The following CAMTA1 variants were observed in gnomAD, a reference collection of about 807,000 sequenced individuals.
CAMTA1 encodes the protein calmodulin binding transcription activator 1, also known as calmodulin-binding transcription activator 1.
In CAMTA1, 27 loss-of-function variants were observed where a neutral mutation model predicts 170.9. The observed-to-expected ratio is 0.16, with a 90% CI of 0.12 to 0.22. The LOEUF (loss-of-function observed/expected upper bound fraction) is 0.22. CAMTA1 is among the 10% of genes least tolerant of loss of function. The pLI, the probability that CAMTA1 is intolerant of heterozygous loss-of-function variation, is 1.00. For synonymous variants in CAMTA1, 833 were observed against 891.5 expected, an observed-to-expected ratio of 0.93 and a Z score of 1.17; for missense variants, 1,619 against 2,217.2, an observed-to-expected ratio of 0.73 and a Z score of 5.42.
intron 5 of CAMTA1, among the ~76,000 whole-genome samples, chr1:7,302,631 A>G (rs1574534868): frequency 1.3e-5 from 2 of 152,338 alleles, no homozygotes; most frequent in South Asian, 4.1e-4. Context: ...TGTGCCATAA[A>G]CTGGGAGGAG....
intron 3 of CAMTA1, among the ~76,000 whole-genome samples, chr1:6,917,828 G>A (rs1384914811): frequency 8.1e-6 from 1 of 123,284 alleles, no homozygotes; most frequent in East Asian, 2.8e-4. Flanking sequence ...GAGGGGAAGG[G>A]CAGAAGCAAA....
chr1:7,627,596 G>A (rs556334727), intron 6 of CAMTA1, among the ~76,000 whole-genome samples: 48 of 152,304 alleles, frequency 3.2e-4, no homozygotes, highest in African/African-American at 1.1e-3. Context: ...AGATGTGATT[G>A]CCCAAAGCTC....
chr1:7,200,787 G>C (rs1368588843), intron 4 of CAMTA1, among the ~76,000 whole-genome samples: 1 of 152,184 alleles, frequency 6.6e-6, no homozygotes, highest in East Asian at 1.9e-4. Context: ...CTACTGGAAA[G>C]TACTGTTTAT....
chr1:6,860,780 T>C (rs1664367714), intron 3 of CAMTA1, among the ~76,000 whole-genome samples: 1 of 151,594 alleles, frequency 6.6e-6, no homozygotes, highest in African/African-American at 2.4e-5. Context: ...GGCGTGGTGG[T>C]GCATGCCTGT....
At chr1:7,539,438 G>A (rs2094583762) in intron 6 of CAMTA1, among the ~76,000 whole-genome samples, 1 of 152,226 alleles carries the variant, frequency 6.6e-6, no homozygotes, top group African/African-American at 2.4e-5. Flanking sequence ...GATAGTACAA[G>A]TGGGCCATGT....
chr1:6,879,809 T>C (rs1670989427), intron 3 of CAMTA1, among the ~76,000 whole-genome samples: 1 of 149,744 alleles, frequency 6.7e-6, no homozygotes, highest in Non-Finnish European at 1.5e-5. Context: ...TTTTTTTGGC[T>C]TTGTAGAGAC....
intron 5 of CAMTA1, among the ~76,000 whole-genome samples, chr1:7,304,938 A>G (rs1484337763): frequency 6.6e-6 from 1 of 151,708 alleles, no homozygotes; most frequent in Non-Finnish European, 1.5e-5. Flanking sequence ...TTGTTCCAAA[A>G]TTACAAAAAA....
intron 6 of CAMTA1, among the ~76,000 whole-genome samples, chr1:7,471,453 C>A (rs932320592): frequency 6.6e-6 from 1 of 152,242 alleles, no homozygotes; most frequent in African/African-American, 2.4e-5. Flanking sequence ...AGAGCCATGA[C>A]CTGGAAGAGG....
chr1:7,209,448 GGAGTCTCA>G (rs1370774969), intron 4 of CAMTA1, among the ~76,000 whole-genome samples: 2 of 152,202 alleles, frequency 1.3e-5, no homozygotes, highest in African/African-American at 2.4e-5. Flanking sequence ...GTGAGTAAAA[GGAGTCTCA>G]CCCTTGGATT....
chr1:7,752,290 G>A (rs2096902796), intron 20 of CAMTA1, among the ~76,000 whole-genome samples, 169 bp from the exon 21 acceptor site: 1 of 152,088 alleles, frequency 6.6e-6, no homozygotes, highest in Non-Finnish European at 1.5e-5. Context: ...CGATACTATG[G>A]GAACAGCATA....
Position 6,860,203 on chromosome 1 carries a change from C to T in CAMTA1, c.234+34993C>T, listed in dbSNP as rs1200845579. Among the ~76,000 whole-genome samples the T allele has an allele frequency of 3.9e-5, 6 of 152,302 alleles. No homozygotes were observed. The South Asian group carries it at 1.2e-3, about 32-fold the overall frequency. On this transcript the variant is annotated intron_variant, in intron 3 of 22. Transcript: ENST00000303635. ...CAATCCTATGAGTCATGCTCCCAAA[C>T]TCTGAATCTTTTTGGCCTTGATGGC...
At chr1:6,820,040 T>C (rs1646307485) in intron 1 of CAMTA1, 141 bp from the exon 2 acceptor site, 1 of 642,724 alleles carries the variant, frequency 1.6e-6, no homozygotes, top group South Asian at 1.7e-5. Flanking sequence ...AGTCATTTTG[T>C]GGAATGTTCC....
chr1:6,806,912 A>G (rs1644578360), intron 1 of CAMTA1: 3 of 422,060 alleles, frequency 7.1e-6, no homozygotes, highest in Admixed American at 4.1e-5. Context: ...GGCCACGTGA[A>G]CATTGGTTAT....
At chr1:7,189,136 A>G (rs1024223045) in intron 4 of CAMTA1, among the ~76,000 whole-genome samples, 9 of 152,178 alleles carry the variant, frequency 5.9e-5, no homozygotes. Flanking sequence ...TTCAGCCTCA[A>G]TTATTGTTTC....
At chr1:6,852,380 A>G (rs959811548) in intron 3 of CAMTA1, among the ~76,000 whole-genome samples, 3 of 152,070 alleles carry the variant, frequency 2.0e-5, no homozygotes, top group Non-Finnish European at 2.9e-5. Context: ...ATTTAACTCA[A>G]TTTGGATACT....
chr1:7,606,927 T>C (rs780078041), intron 6 of CAMTA1, among the ~76,000 whole-genome samples: 1 of 152,264 alleles, frequency 6.6e-6, no homozygotes, highest in Non-Finnish European at 1.5e-5. Flanking sequence ...CAAGTCATTG[T>C]GTGACCCTAG....
intron 11 of CAMTA1, among the ~76,000 whole-genome samples, chr1:7,726,704 G>T (rs190751725): frequency 6.6e-6 from 1 of 152,320 alleles, no homozygotes; most frequent in East Asian, 1.9e-4. Context: ...ACTCGCTGCA[G>T]CAAATATAGA....
At chr1:7,576,902 G>A (rs1182435188) in intron 6 of CAMTA1, among the ~76,000 whole-genome samples, 1 of 152,228 alleles carries the variant, frequency 6.6e-6, no homozygotes, top group Non-Finnish European at 1.5e-5. Context: ...CACAGATACA[G>A]GGAATTTGTT....
chr1:7,533,596 G>T (rs181753000), intron 6 of CAMTA1, among the ~76,000 whole-genome samples: 1 of 152,236 alleles, frequency 6.6e-6, no homozygotes, highest in East Asian at 1.9e-4. Flanking sequence ...GGGGCTCCTG[G>T]ACTTCTCCAG....
Sources: gnomAD v4.1 joint callset for allele counts (sites outside exome capture counted in the v4.1 genomes callset) on GRCh38, gnomAD v4.1.1 for gene constraint, MANE v1.5 for transcripts, NCBI Gene and HGNC (gene_info 2026-07-23, HGNC 2026-07-21) for gene names.